The following SLC25A21 variants were observed in gnomAD, a reference collection of about 807,000 sequenced individuals.
The protein encoded by SLC25A21 is mitochondrial 2-oxodicarboxylate carrier.
In SLC25A21, 47 loss-of-function variants were observed where a neutral mutation model predicts 43.8. That is an observed-to-expected ratio of 1.07 (90% CI 0.85 to 1.37). The LOEUF is 1.37. SLC25A21 is among the 40% of genes most tolerant of loss of function. SLC25A21 has a pLI of 0.00. For synonymous variants in SLC25A21, 131 were observed against 121.3 expected (o/e 1.08, Z -0.52); for missense variants, 352 against 350.2 (o/e 1.00, Z -0.04).
At chr14:36,991,221 T>C (rs956973015) in intron 1 of SLC25A21, among the ~76,000 whole-genome samples, 1 of 152,170 alleles carries the variant, frequency 6.6e-6, no homozygotes, top group East Asian at 1.9e-4. Context: ...CCACAGTGGA[T>C]TGCCCATTCA....
intron 4 of SLC25A21, 45 bp from the exon 5 acceptor site, chr14:36,729,611 C>A (rs1884741335): frequency 6.6e-7 from 1 of 1,518,622 alleles, no homozygotes; most frequent in Non-Finnish European, 9.0e-7. Flanking sequence ...AATTTTCCTG[C>A]AACAAACTCT....
chr14:37,002,383 A>T (rs1342945616), intron 1 of SLC25A21, among the ~76,000 whole-genome samples: 3 of 152,186 alleles, frequency 2.0e-5, no homozygotes, highest in Non-Finnish European at 4.4e-5. Flanking sequence ...TAGACTATCC[A>T]AATACTTCTG....
intron 1 of SLC25A21, among the ~76,000 whole-genome samples, chr14:37,001,016 C>T (rs1960478053): frequency 6.6e-6 from 1 of 152,124 alleles, no homozygotes; most frequent in Non-Finnish European, 1.5e-5. Context: ...TCCGACCACC[C>T]TATTTAGAAT....
intron 7 of SLC25A21, among the ~76,000 whole-genome samples, chr14:36,690,231 G>C (rs955355939): frequency 6.6e-6 from 1 of 152,096 alleles, no homozygotes; most frequent in African/African-American, 2.4e-5. Flanking sequence ...TGCTATACAT[G>C]TTATAATATT....
chr14:36,704,282 G>A (rs772612787), intron 7 of SLC25A21, among the ~76,000 whole-genome samples: 18 of 152,250 alleles, frequency 1.2e-4, no homozygotes, highest in Non-Finnish European at 2.5e-4. Context: ...CAGAGAATCC[G>A]GTTACGTTAT....
chr14:36,983,438 G>GCTTACATTA (rs60891760), intron 1 of SLC25A21, among the ~76,000 whole-genome samples: 18,665 of 148,200 alleles, frequency 0.13, 1,545 homozygotes, highest in African/African-American at 0.26. Flanking sequence ...CCCCTCAGAA[G>GCTTACATTA]CTTCTACTTT....
chr14:36,764,519 C>T (rs1320473456), intron 3 of SLC25A21, among the ~76,000 whole-genome samples: 2 of 131,716 alleles, frequency 1.5e-5, no homozygotes, highest in Non-Finnish European at 3.1e-5. Context: ...GATTTATGCA[C>T]ACTCACCCAC....
chr14:36,761,695 C>T (rs1032270665), intron 3 of SLC25A21, among the ~76,000 whole-genome samples: 2 of 152,116 alleles, frequency 1.3e-5, no homozygotes, highest in African/African-American at 4.8e-5. Context: ...TGGGATAGAT[C>T]TGTAGTGATA....
chr14:36,707,281 G>A (rs555609890), intron 7 of SLC25A21, among the ~76,000 whole-genome samples: 52 of 152,272 alleles, frequency 3.4e-4, no homozygotes, highest in Admixed American at 2.2e-3. Flanking sequence ...GCTCCTAAAT[G>A]TGAGTTTGTT....
intron 1 of SLC25A21, among the ~76,000 whole-genome samples, chr14:36,894,414 G>A (rs1216195962): frequency 6.6e-6 from 1 of 152,260 alleles, no homozygotes; most frequent in Middle Eastern, 3.4e-3. Context: ...TGCTGAATTT[G>A]CCTATCAGCT....
intron 7 of SLC25A21, among the ~76,000 whole-genome samples, chr14:36,698,246 C>T (rs532130955): frequency 6.6e-6 from 1 of 152,296 alleles, no homozygotes; most frequent in South Asian, 2.1e-4. Flanking sequence ...TTGGCTCCCA[C>T]TCTCTTCTGG....
chr14:37,040,412 A>AAAGG (rs1961442441), intron 1 of SLC25A21, among the ~76,000 whole-genome samples: 1 of 97,928 alleles, frequency 1.0e-5, no homozygotes, highest in South Asian at 2.9e-4. Flanking sequence ...AGAAAGAAAG[A>AAAGG]AAGAAAGAAA....
At chr14:36,713,820 C>CA (rs1380671078) in intron 6 of SLC25A21, among the ~76,000 whole-genome samples, 5 of 151,930 alleles carry the variant, frequency 3.3e-5, no homozygotes, top group African/African-American at 9.7e-5. Context: ...CCAGTCTCTA[C>CA]AAAAAATTAA....
At chr14:36,784,992 A>T (rs1474664735) in intron 3 of SLC25A21, among the ~76,000 whole-genome samples, 1 of 152,216 alleles carries the variant, frequency 6.6e-6, no homozygotes, top group Non-Finnish European at 1.5e-5. Context: ...ACCTATCCTT[A>T]TTGTCCCTGA....
chr14:36,734,447 T>C (rs1208181779), intron 4 of SLC25A21, 60 bp downstream of exon 4: 6 of 1,278,790 alleles, frequency 4.7e-6, no homozygotes, highest in East Asian at 2.5e-5. Flanking sequence ...TAAGAGTTTG[T>C]TGTGCTGAAG....
chr14:36,882,719 C>T (rs1013053914), intron 1 of SLC25A21, among the ~76,000 whole-genome samples: 2 of 151,912 alleles, frequency 1.3e-5, no homozygotes, highest in African/African-American at 4.8e-5. Flanking sequence ...CCAGTCCAGA[C>T]TTCCCTTTCA....
intron 1 of SLC25A21, among the ~76,000 whole-genome samples, chr14:37,030,650 G>A (rs978987121): frequency 5.3e-5 from 8 of 152,152 alleles, no homozygotes; most frequent in Non-Finnish European, 1.2e-4. Flanking sequence ...TAAGAAATGA[G>A]CATCAGTGAT....
chr14:36,862,767 A>C (rs1013405124), intron 2 of SLC25A21, among the ~76,000 whole-genome samples: 3 of 152,230 alleles, frequency 2.0e-5, no homozygotes, highest in Non-Finnish European at 4.4e-5. Flanking sequence ...ATTTAAAAAA[A>C]GGAGATTATC....
At chr14:36,935,236 A>G (rs1468363341) in intron 1 of SLC25A21, among the ~76,000 whole-genome samples, 1 of 152,148 alleles carries the variant, frequency 6.6e-6, no homozygotes, top group African/African-American at 2.4e-5. Context: ...GGAATCTCCT[A>G]ACAGGATAAT....
Sources: allele counts gnomAD v4.1 joint callset (sites outside exome capture counted in the v4.1 genomes callset), GRCh38; gene constraint gnomAD v4.1.1; transcripts MANE v1.5; gene names NCBI Gene and HGNC (gene_info 2026-07-23, HGNC 2026-07-21).